SBF2: variants seen among roughly 807,000 people sequenced by gnomAD.
SBF2 encodes SET binding factor 2, also known as myotubularin-related protein 13.
Under a neutral mutation model 225.2 loss-of-function variants are expected in SBF2, and 112 were observed. The ratio of observed to expected loss-of-function variants is 0.50; its 90% CI spans 0.43 to 0.58. The LOEUF (loss-of-function observed/expected upper bound fraction) is 0.58, where lower values mean the gene tolerates loss of function less well. SBF2 is among the 20% of genes least tolerant of loss of function. The probability of loss-of-function intolerance (pLI) is 0.00; values close to 1 mark genes in which losing one functional copy is unlikely to be tolerated. For synonymous variants in SBF2, 763 were observed against 773.3 expected (o/e 0.99, Z 0.22); for missense variants, 1,996 against 2,206.2 (o/e 0.90, Z 1.91).
At position 9,789,097 on chromosome 11, in the gene SBF2, C is replaced by T. The variant is rs751283868; in HGVS notation, c.4932+12G>A. On this transcript the variant is annotated intron_variant, in intron 35 of 39. Coordinates refer to ENST00000256190, the MANE Select transcript of SBF2 (RefSeq NM_030962.4). The stretch of plus-strand genomic sequence containing the variant: ...CCTGGTGCCCCTAGGTGTGTGTCTA[C>T]AGTTGACTTACACTGAAAAGGCTGG... 6.2e-6 allele frequency: 10 copies of T among 1,612,584 alleles called. No individual in the cohort carries two copies. Among genetic ancestry groups the T allele is most frequent in the East Asian group, 2.2e-5 (1 of 44,884 alleles).
At chr11:9,984,160 T>C (rs891449825) in intron 13 of SBF2, among the ~76,000 whole-genome samples, 5 of 152,060 alleles carry the variant, frequency 3.3e-5, no homozygotes, top group African/African-American at 9.7e-5. Context: ...CGAAGCCCAA[T>C]GCAAGGAAAT....
intron 16 of SBF2, among the ~76,000 whole-genome samples, chr11:9,952,394 A>G (rs1865911224): frequency 1.3e-5 from 2 of 152,118 alleles, no homozygotes; most frequent in Admixed American, 6.6e-5. Context: ...CCAATCCTCT[A>G]TTTTTTATGT....
At chr11:10,134,322 T>C (rs933003614) in intron 2 of SBF2, among the ~76,000 whole-genome samples, 10 of 152,136 alleles carry the variant, frequency 6.6e-5, no homozygotes, top group Admixed American at 3.9e-4. Flanking sequence ...CAATTCAAGA[T>C]AAAATTAGGG....
intron 16 of SBF2, among the ~76,000 whole-genome samples, chr11:9,931,975 G>A (rs1235469347): frequency 2.0e-5 from 3 of 151,742 alleles, no homozygotes; most frequent in Non-Finnish European, 2.9e-5. Context: ...CGAGAACTTC[G>A]TGACGCATGC....
chr11:9,943,377 G>A (rs1032008213), intron 16 of SBF2, among the ~76,000 whole-genome samples: 5 of 152,072 alleles, frequency 3.3e-5, no homozygotes, highest in African/African-American at 1.2e-4. Flanking sequence ...AATGATTAAC[G>A]AAGTTGATGA....
At chr11:9,953,746 G>GT (rs11482152) in intron 16 of SBF2, among the ~76,000 whole-genome samples, 40,461 of 151,902 alleles carry the variant, frequency 0.27, 5,762 homozygotes, top group Admixed American at 0.36. Context: ...GTATAAAGAG[G>GT]TATACATTAG....
rs139998394 is a variant in SBF2, at chr11:9,801,524, C to T, written c.4444-5567G>A. On this transcript the variant is annotated intron_variant, in intron 32 of 39. Transcript: ENST00000256190. ...TTTCAGAATTATAAATATTGAGCTA[C>T]AAGAGACACTATACATCAACACGTG... 6.3e-3 allele frequency among the ~76,000 whole-genome samples: 952 copies of T among 152,242 alleles called. 10 individuals carry two copies. The highest frequency in any genetic ancestry group is 0.022 in the African/African-American group (908 of 41,538).
intron 20 of SBF2, 43 bp from the exon 21 acceptor site, chr11:9,852,792 G>A: frequency 7.0e-7 from 1 of 1,420,636 alleles, no homozygotes; most frequent in Non-Finnish European, 1.0e-6. Context: ...ACACAGACAA[G>A]CAGGATAAAA....
chr11:10,009,079 G>A (rs141212218), intron 6 of SBF2, among the ~76,000 whole-genome samples: 1 of 152,110 alleles, frequency 6.6e-6, no homozygotes, highest in African/African-American at 2.4e-5. Context: ...ATTTAGACTA[G>A]AGGCTCCAGG....
intron 16 of SBF2, among the ~76,000 whole-genome samples, chr11:9,945,735 C>T (rs963238079): frequency 1.3e-5 from 2 of 151,894 alleles, no homozygotes; most frequent in East Asian, 3.9e-4. Flanking sequence ...GAGACTTAAA[C>T]CAACAAGCAA....
At chr11:9,923,662 A>G (rs901436187) in intron 16 of SBF2, among the ~76,000 whole-genome samples, 11 of 152,214 alleles carry the variant, frequency 7.2e-5, no homozygotes, top group East Asian at 3.8e-4. Flanking sequence ...CTCCTGGCAC[A>G]TGGAGATCAT....
intron 12 of SBF2, among the ~76,000 whole-genome samples, chr11:9,991,635 TGAATATA>T (rs1947444520): frequency 6.6e-6 from 1 of 152,160 alleles, no homozygotes. Context: ...TGGGCTGCTG[TGAATATA>T]GAGTTAAATG....
chr11:9,831,388 A>G (rs550389774), intron 27 of SBF2, among the ~76,000 whole-genome samples: 1 of 152,372 alleles, frequency 6.6e-6, no homozygotes, highest in East Asian at 1.9e-4. Flanking sequence ...GCCTTCAATT[A>G]CACCAGTAGT....
At chr11:10,219,284 G>A (rs1958250896) in intron 1 of SBF2, among the ~76,000 whole-genome samples, 1 of 152,230 alleles carries the variant, frequency 6.6e-6, no homozygotes, top group African/African-American at 2.4e-5. Context: ...AAGGCTTGAG[G>A]CTTGCACCCT....
intron 24 of SBF2, among the ~76,000 whole-genome samples, chr11:9,844,814 G>A (rs1170039296): frequency 2.0e-5 from 3 of 152,052 alleles, no homozygotes; most frequent in Non-Finnish European, 2.9e-5. Flanking sequence ...CCTAGATGAT[G>A]GATTGATGGC....
chr11:10,295,792 G>A (rs1443169082), upstream of SBF2, among the ~76,000 whole-genome samples: 1 of 151,708 alleles, frequency 6.6e-6, no homozygotes, highest in Non-Finnish European at 1.5e-5. Flanking sequence ...CCCTGATTCT[G>A]CTCTCCGGAA....
At chr11:9,932,237 C>G (rs966315358) in intron 16 of SBF2, among the ~76,000 whole-genome samples, 1 of 152,146 alleles carries the variant, frequency 6.6e-6, no homozygotes, top group African/African-American at 2.4e-5. Flanking sequence ...ACTTCCCCAA[C>G]CTAGCAAGGC....
intron 2 of SBF2, among the ~76,000 whole-genome samples, chr11:10,096,125 T>G (rs912675023): frequency 6.6e-6 from 1 of 152,060 alleles, no homozygotes; most frequent in Non-Finnish European, 1.5e-5. Flanking sequence ...AAAGGAGACC[T>G]TCATAAACAA....
chr11:9,962,125 C>T lies in SBF2; in HGVS notation c.1711-19G>A. On this transcript the variant is annotated intron_variant, in intron 15 of 39. Transcript: ENST00000256190. ...GAAGGGTCTGAGGACAAGAGAGGTA[C>T]AAATGACCAAATGGTACCACTGGGG... 1 of 1,612,682 alleles carries T rather than the reference C, an allele frequency of 6.2e-7. No individual in the cohort carries two copies. The highest frequency in any genetic ancestry group is 2.2e-5 in the East Asian group (1 of 44,848).
Sources: allele counts gnomAD v4.1 joint callset (sites outside exome capture counted in the v4.1 genomes callset), GRCh38; gene constraint gnomAD v4.1.1; transcripts MANE v1.5; gene names NCBI Gene and HGNC (gene_info 2026-07-23, HGNC 2026-07-21).